EIF2AK4: variants seen among roughly 807,000 people sequenced by gnomAD.
EIF2AK4 encodes eIF-2-alpha kinase GCN2.
A neutral mutation model predicts 211.1 loss-of-function variants in EIF2AK4; 139 were observed. The ratio of observed to expected loss-of-function variants is 0.66; its 90% CI spans 0.57 to 0.76. The LOEUF is 0.76. Ranked by LOEUF, EIF2AK4 falls within the 30% of genes least tolerant of loss-of-function variation. The pLI, the probability that EIF2AK4 is intolerant of heterozygous loss-of-function variation, is 0.00. For missense variants in EIF2AK4, 1,664 were observed against 2,043.8 expected (o/e 0.81, Z 3.58); for synonymous variants, 710 against 751.3 (o/e 0.94, Z 0.90).
intron 13 of EIF2AK4, 59 bp from the exon 14 acceptor site, chr15:39,985,746 G>T (rs1198411115): frequency 6.5e-7 from 1 of 1,547,432 alleles, no homozygotes; most frequent in East Asian, 2.3e-5. Context: ...TAATGATGGT[G>T]ATGATTTTGC....
intron 6 of EIF2AK4, among the ~76,000 whole-genome samples, chr15:39,959,154 C>G (rs73384401): frequency 1.3e-5 from 2 of 152,118 alleles, no homozygotes; most frequent in Admixed American, 6.5e-5. Flanking sequence ...CATCCATACT[C>G]TAGAATAGAT....
At chr15:39,937,102 A>ATACAAC (rs2034075844) in intron 1 of EIF2AK4, among the ~76,000 whole-genome samples, 1 of 152,238 alleles carries the variant, frequency 6.6e-6, no homozygotes, top group Non-Finnish European at 1.5e-5. Context: ...TCTATAATTT[A>ATACAAC]TAGATAGTTA....
chr15:40,033,765 G>A (rs1340615497), intron 37 of EIF2AK4, among the ~76,000 whole-genome samples: 2 of 152,144 alleles, frequency 1.3e-5, no homozygotes, highest in African/African-American at 4.8e-5. Context: ...AGTGGCTCAC[G>A]CCTGTAATCC....
At chr15:39,981,924 CTTT>C (rs34776250) in intron 13 of EIF2AK4, among the ~76,000 whole-genome samples, 2 of 122,300 alleles carry the variant, frequency 1.6e-5, no homozygotes, top group Admixed American at 1.7e-4. Context: ...AATGTGGTCA[CTTT>C]TTTTTTTTTT....
At chr15:39,978,431 CTT>C (rs770960883) in intron 13 of EIF2AK4, 4 of 196,198 alleles carry the variant, frequency 2.0e-5, no homozygotes, top group Non-Finnish European at 3.1e-5. Flanking sequence ...GTTTGGGAAA[CTT>C]TATATGGTTG....
chr15:39,951,061 A>G (rs1455336424), intron 4 of EIF2AK4, among the ~76,000 whole-genome samples: 2 of 152,220 alleles, frequency 1.3e-5, no homozygotes, highest in East Asian at 3.8e-4. Context: ...ACTCACAGTC[A>G]TATATGTAGG....
In EIF2AK4 at chr15:39,996,983, T is replaced by G. The variant is rs1286681614; in HGVS notation, c.2786T>G (p.Leu929Arg). The G allele has an allele frequency of 1.2e-6, 2 of 1,613,696 alleles. No individual in the cohort carries two copies. Among genetic ancestry groups the G allele is most frequent in the Admixed American group, 3.3e-5 (2 of 59,992 alleles). Residue 929 changes from leucine to arginine, a missense_variant, in exon 19 of 39, where the codon CTG becomes CGG. By Grantham distance (102) the Leu-to-Arg change is moderately radical (BLOSUM62 -2). Coordinates refer to ENST00000263791, the MANE Select transcript of EIF2AK4 (RefSeq NM_001013703.4). ...CCTCAGAAAGTGGATCTCTTCAGCC[T>G]GGGAATTATCTTCTTTGAGATGTCC... The part of the protein sequence containing the change: ...AYNQKVDLFS[L>R]GIIFFEMSYH...
chr15:39,994,409 A>C (rs2034991657), intron 18 of EIF2AK4, among the ~76,000 whole-genome samples: 1 of 152,114 alleles, frequency 6.6e-6, no homozygotes, highest in South Asian at 2.1e-4. Context: ...GGAGTTCAAA[A>C]CCAGCCTGGG....
Position 40,008,053 on chromosome 15 carries a change from C to A in EIF2AK4, c.3434C>A (p.Pro1145Gln), listed in dbSNP as rs200949201. ...KRYCIERVFR[P>Q]RKLDRFHPKE... ...TACTGCATAGAACGTGTGTTCAGGC[C>A]GCGCAAGTTAGATCGATTTCATCCC... Residue 1145 changes from proline (P) to glutamine (Q), a missense_variant, in exon 25 of 39, where the codon CCG (proline) becomes CAG (glutamine). Physicochemically the swap from Pro to Gln is moderately conservative, Grantham distance 76. Transcript: ENST00000263791. 1 of 1,605,528 alleles carries A rather than the reference C, an allele frequency of 6.2e-7. No individual in the cohort carries two copies. Among genetic ancestry groups the A allele is most frequent in the South Asian group, 1.1e-5 (1 of 89,146 alleles).
chr15:39,997,106 G>T (rs771299907), intron 19 of EIF2AK4, 41 bp downstream of exon 19: 2 of 1,364,018 alleles, frequency 1.5e-6, no homozygotes, highest in Non-Finnish European at 2.1e-6. Context: ...TTCAGTAACC[G>T]GAATCTTAGC....
At chr15:39,939,433 G>T (rs1566979390) in intron 1 of EIF2AK4, 72 bp from the exon 2 acceptor site, 2 of 837,574 alleles carry the variant, frequency 2.4e-6, no homozygotes, top group Non-Finnish European at 3.6e-6. Context: ...GATCTAAAAT[G>T]ATCATTATCT....
intron 9 of EIF2AK4, among the ~76,000 whole-genome samples, chr15:39,968,553 T>C (rs2034576334): frequency 6.6e-6 from 1 of 152,240 alleles, no homozygotes; most frequent in African/African-American, 2.4e-5. Context: ...TTCTGTTAAA[T>C]GGGAGATAAG....
intron 14 of EIF2AK4, among the ~76,000 whole-genome samples, chr15:39,987,249 G>A (rs2034878596): frequency 6.6e-6 from 1 of 152,212 alleles, no homozygotes; most frequent in South Asian, 2.1e-4. Flanking sequence ...CACGGTGTGG[G>A]CATCAGAGGG....
chr15:39,951,638 C>A, intron 4 of EIF2AK4: 1 of 253,226 alleles, frequency 3.9e-6, no homozygotes, highest in Non-Finnish European at 8.2e-6. Context: ...CACAGAATGC[C>A]ACAGTACCAG....
chr15:39,945,762 T>C (rs2034218985), intron 3 of EIF2AK4, among the ~76,000 whole-genome samples: 1 of 152,336 alleles, frequency 6.6e-6, no homozygotes, highest in African/African-American at 2.4e-5. Context: ...TAGGAGCTAA[T>C]ACAGCTGCTG....
intron 18 of EIF2AK4, among the ~76,000 whole-genome samples, 194 bp downstream of exon 18, chr15:39,993,042 A>G (rs923860549): frequency 7.3e-6 from 1 of 136,534 alleles, no homozygotes; most frequent in African/African-American, 2.6e-5. Flanking sequence ...CCATCCATCC[A>G]TCCATCCATC....
chr15:40,029,530 G>A (rs2035510683), intron 34 of EIF2AK4, 66 bp downstream of exon 34: 4 of 1,480,274 alleles, frequency 2.7e-6, no homozygotes, highest in South Asian at 2.5e-5. Context: ...ACTTATTACT[G>A]TAGCTAACTG....
chr15:40,017,347 T>A (rs368681795), intron 29 of EIF2AK4, 105 bp downstream of exon 29: 4 of 1,280,390 alleles, frequency 3.1e-6, no homozygotes, highest in African/African-American at 3.0e-5. Flanking sequence ...ACCAGTAATA[T>A]CATTGGATAC....
In EIF2AK4 at chr15:40,001,065, G is replaced by T; in HGVS notation, c.3000G>T (p.Leu1000=). 1 of 1,614,178 alleles carries T rather than the reference G, an allele frequency of 6.2e-7. No individual in the cohort carries two copies. Among genetic ancestry groups the T allele is most frequent in the East Asian group, 2.2e-5 (1 of 44,882 alleles). Residue 1000 remains leucine (L), a synonymous_variant, in exon 21 of 39, where the codon CTG becomes CTT. Transcript: ENST00000263791. Reference sequence around the variant, plus strand: ...CCACAGAACTGCTCAAGAGTGAGCTGCTGCCCCCACCCCAGATGGAGGAGT... The same window carrying T: ...CCACAGAACTGCTCAAGAGTGAGCTTCTGCCCCCACCCCAGATGGAGGAGT... ...PTATELLKSE[L]LPPPQMEESE...
Sources: gnomAD v4.1 joint callset for allele counts (sites outside exome capture counted in the v4.1 genomes callset) on GRCh38, gnomAD v4.1.1 for gene constraint, MANE v1.5 for transcripts, NCBI Gene and HGNC (gene_info 2026-07-23, HGNC 2026-07-21) for gene names.